NFIB: variants seen among roughly 807,000 people sequenced by gnomAD.
NFIB encodes nuclear factor 1 B-type.
In NFIB, 11 loss-of-function variants were observed where a neutral mutation model predicts 61.5. That is an observed-to-expected ratio of 0.18 (90% CI 0.11 to 0.30). The LOEUF is 0.30. NFIB is among the 10% of genes least tolerant of loss of function. The pLI, the probability that NFIB is intolerant of heterozygous loss-of-function variation, is 1.00. For missense variants in NFIB, 471 were observed against 608.9 expected, an observed-to-expected ratio of 0.77 and a Z score of 2.38; for synonymous variants, 260 against 216.5, an observed-to-expected ratio of 1.20 and a Z score of -1.76.
chr9:14,131,097 TTAGAG>T (rs1271067435), intron 6 of NFIB, among the ~76,000 whole-genome samples: 5 of 152,146 alleles, frequency 3.3e-5, no homozygotes, highest in Non-Finnish European at 1.5e-5. Context: ...TAATGACAGA[TTAGAG>T]AGAATAATTT....
At chr9:14,178,862 C>A (rs1224656800) in intron 3 of NFIB, among the ~76,000 whole-genome samples, 1 of 152,030 alleles carries the variant, frequency 6.6e-6, no homozygotes, top group African/African-American at 2.4e-5. Flanking sequence ...TTTCCTATTA[C>A]TTCATATAAA....
chr9:14,270,579 CAAAAAAAAAAA>C (rs147823074), intron 2 of NFIB, among the ~76,000 whole-genome samples: 18 of 54,380 alleles, frequency 3.3e-4, no homozygotes, highest in African/African-American at 1.2e-3. Context: ...CCTTAGATCA[CAAAAAAAAAAA>C]AAAAAAAAAA....
chr9:14,524,335 C>G, the NFIB span, among the ~76,000 whole-genome samples: 8 of 152,110 alleles, frequency 5.3e-5, no homozygotes, highest in Admixed American at 4.6e-4. Flanking sequence ...AGGGTGTTTT[C>G]TCTCAAACAG....
At chr9:14,305,801 T>C (rs2059987436) in intron 2 of NFIB, 4 of 332,388 alleles carry the variant, frequency 1.2e-5, no homozygotes, top group East Asian at 4.3e-5. Flanking sequence ...CCCACATTTA[T>C]ATAACAAACC....
intron 8 of NFIB, among the ~76,000 whole-genome samples, chr9:14,116,643 A>C (rs1315935807): frequency 6.6e-6 from 1 of 152,234 alleles, no homozygotes; most frequent in Non-Finnish European, 1.5e-5. Context: ...CAAGAAACTC[A>C]AGTGCAGACT....
At chr9:14,212,558 T>C (rs1444508601) in intron 2 of NFIB, among the ~76,000 whole-genome samples, 1 of 152,112 alleles carries the variant, frequency 6.6e-6, no homozygotes, top group East Asian at 1.9e-4. Context: ...AAATTGTCCA[T>C]ATTGTTTGAA....
upstream of NFIB, among the ~76,000 whole-genome samples, chr9:14,403,645 T>C (rs937573996): frequency 6.6e-5 from 10 of 152,142 alleles, no homozygotes; most frequent in Non-Finnish European, 5.9e-5. Flanking sequence ...CATGCCATAG[T>C]TTTTCTTATG....
At chr9:14,352,728 T>A (rs1345626388) in intron 1 of NFIB, among the ~76,000 whole-genome samples, 1 of 152,212 alleles carries the variant, frequency 6.6e-6, no homozygotes, top group African/African-American at 2.4e-5. Context: ...GTTGAGAGGC[T>A]CCAATAACAG....
At chr9:14,386,485 AC>A (rs1319680157) in intron 1 of NFIB, among the ~76,000 whole-genome samples, 4 of 152,182 alleles carry the variant, frequency 2.6e-5, no homozygotes, top group African/African-American at 9.6e-5. Context: ...ACGCTACAGG[AC>A]CCAAGAATTG....
Position 14,084,261 on chromosome 9 carries a change from T to TAA in NFIB, c.*4046_*4047dup, listed in dbSNP as rs1335112930. On this transcript the variant is annotated 3_prime_UTR_variant, in exon 11 of 11. Coordinates refer to ENST00000380953, the MANE Select transcript of NFIB (RefSeq NM_001190737.2). ...CAACATATAGTTCCATTATAATTGT[T>TAA]AAAAAGTTAGCTTTACAAACATGGG... The TAA allele has an allele frequency of 3.0e-5, 6 of 201,204 alleles. No homozygotes were observed. The South Asian group carries it at 1.1e-3, about 38-fold the overall frequency. 12.5% of individuals were successfully genotyped at this position (201,204 alleles called of 1,614,324 possible). A position where few individuals can be genotyped will look rare whatever the true frequency, so the allele number is the denominator to read the frequency against.
chr9:14,372,780 T>C (rs1006698748), intron 1 of NFIB, among the ~76,000 whole-genome samples: 5 of 152,230 alleles, frequency 3.3e-5, no homozygotes, highest in African/African-American at 1.2e-4. Context: ...TAGCTTCTAA[T>C]GCTATGCTAT....
chr9:14,353,728 G>A (rs566159937), intron 1 of NFIB, among the ~76,000 whole-genome samples: 2 of 152,268 alleles, frequency 1.3e-5, no homozygotes, highest in South Asian at 4.1e-4. Flanking sequence ...GGGACCAGCT[G>A]GAGGAGTCCA....
chr9:14,101,517 G>C (rs778707608), intron 10 of NFIB, among the ~76,000 whole-genome samples: 1 of 152,160 alleles, frequency 6.6e-6, no homozygotes, highest in East Asian at 1.9e-4. Flanking sequence ...TTCCGTAAAC[G>C]GAGGATTAAC....
chr9:14,100,351 C>T (rs569455215), intron 10 of NFIB, among the ~76,000 whole-genome samples: 4 of 152,278 alleles, frequency 2.6e-5, no homozygotes, highest in African/African-American at 9.6e-5. Context: ...TCCTCCAATA[C>T]ATGTGTTCTG....
At chr9:14,255,775 T>C (rs561831072) in intron 2 of NFIB, among the ~76,000 whole-genome samples, 2 of 152,364 alleles carry the variant, frequency 1.3e-5, no homozygotes, top group African/African-American at 4.8e-5. Flanking sequence ...TGGTGTGTTT[T>C]GTGAAGCACT....
At chr9:14,264,068 GAAGA>G (rs2057001444) in intron 2 of NFIB, among the ~76,000 whole-genome samples, 1 of 152,034 alleles carries the variant, frequency 6.6e-6, no homozygotes, top group African/African-American at 2.4e-5. Context: ...ATGTACAAAG[GAAGA>G]AAGGAGACAA....
At chr9:14,318,505 C>CTTTTTTTTTTTTTTTTTT (rs34481505), upstream of NFIB, among the ~76,000 whole-genome samples, 4 of 66,840 alleles carry the variant, frequency 6.0e-5, no homozygotes, top group Admixed American at 2.3e-4. Flanking sequence ...CACTCGATGC[C>CTTTTTTTTTTTTTTTTTT]TTTTTTTTTT....
chr9:14,389,490 C>T (rs2133027160), intron 1 of NFIB, among the ~76,000 whole-genome samples: 1 of 152,214 alleles, frequency 6.6e-6, no homozygotes, highest in South Asian at 2.1e-4. Context: ...AAAAATCATT[C>T]CAATGTGTAC....
chr9:14,516,162 G>A, the NFIB span, among the ~76,000 whole-genome samples: 6 of 152,288 alleles, frequency 3.9e-5, no homozygotes, highest in South Asian at 2.1e-4. Context: ...CCCAGCACAC[G>A]GCCTGTAACC....
Sources: allele counts gnomAD v4.1 joint callset (sites outside exome capture counted in the v4.1 genomes callset), GRCh38; gene constraint gnomAD v4.1.1; transcripts MANE v1.5; gene names NCBI Gene and HGNC (gene_info 2026-07-23, HGNC 2026-07-21).